Variants in USH2A observed in about 807,000 individuals in gnomAD.
USH2A encodes usherin.
USH2A carries 443 observed loss-of-function variants against 538.9 expected under a neutral mutation model. The observed-to-expected ratio is 0.82, with a 90% CI of 0.76 to 0.89. The LOEUF (loss-of-function observed/expected upper bound fraction) is 0.89, where lower values mean the gene tolerates loss of function less well. USH2A is among the 40% of genes least tolerant of loss of function. The pLI is 0.00. For synonymous variants in USH2A, 2,413 were observed against 2,273.5 expected (o/e 1.06, Z -1.75); for missense variants, 6,633 against 6,324.8 (o/e 1.05, Z -1.65).
chr1:216,304,655 T>C (rs546575597), intron 9 of USH2A, among the ~76,000 whole-genome samples: 5 of 152,202 alleles, frequency 3.3e-5, no homozygotes, highest in South Asian at 4.1e-4. Flanking sequence ...TTTAATGCTA[T>C]GAACTTTCCT....
chr1:215,648,807 A>G (rs1360091150), intron 65 of USH2A, 41 bp from the exon 66 acceptor site: 2 of 1,578,936 alleles, frequency 1.3e-6, no homozygotes, highest in Non-Finnish European at 1.7e-6. Context: ...AGTGTCAAAC[A>G]TTAAAGGTGT....
chr1:216,045,166 C>A (rs1348745089), intron 32 of USH2A, among the ~76,000 whole-genome samples: 1 of 152,034 alleles, frequency 6.6e-6, no homozygotes, highest in Non-Finnish European at 1.5e-5. Context: ...TTGTTATGAC[C>A]TTTATGAAGA....
intron 61 of USH2A, among the ~76,000 whole-genome samples, chr1:215,683,940 C>T (rs927005524): frequency 2.0e-5 from 3 of 150,062 alleles, no homozygotes; most frequent in East Asian, 2.0e-4. Context: ...TCTATGTCCA[C>T]GTCCATATTG....
At chr1:215,901,782 A>C (rs1665508887) in intron 38 of USH2A, among the ~76,000 whole-genome samples, 1 of 152,168 alleles carries the variant, frequency 6.6e-6, no homozygotes, top group Non-Finnish European at 1.5e-5. Flanking sequence ...AACTGGTATA[A>C]CTCAAATGAG....
intron 21 of USH2A, among the ~76,000 whole-genome samples, chr1:216,120,763 A>C (rs2033120773): frequency 6.6e-6 from 1 of 151,570 alleles, no homozygotes; most frequent in African/African-American, 2.4e-5. Context: ...GAGCAGGAGA[A>C]TCGCTTGAAC....
intron 3 of USH2A, among the ~76,000 whole-genome samples, chr1:216,376,728 C>G (rs1309667231): frequency 6.6e-6 from 1 of 152,122 alleles, no homozygotes; most frequent in East Asian, 1.9e-4. Flanking sequence ...TCACTGCTGA[C>G]CCCAAGTCAG....
intron 61 of USH2A, among the ~76,000 whole-genome samples, chr1:215,694,767 G>A (rs569437018): frequency 3.0e-4 from 46 of 152,288 alleles, no homozygotes; most frequent in African/African-American, 1.1e-3. Flanking sequence ...TTGAGGGTTA[G>A]GATTTCATTG....
intron 20 of USH2A, among the ~76,000 whole-genome samples, chr1:216,184,537 T>C (rs974056599): frequency 1.3e-5 from 2 of 151,930 alleles, no homozygotes; most frequent in African/African-American, 4.8e-5. Context: ...TAATGAGGGA[T>C]TATTGAAGAC....
intron 4 of USH2A, among the ~76,000 whole-genome samples, chr1:216,345,922 G>A (rs1422220106): frequency 6.6e-6 from 1 of 152,084 alleles, no homozygotes; most frequent in East Asian, 1.9e-4. Flanking sequence ...CTCAAAATCT[G>A]CTGCTCTAGA....
chr1:215,686,412 TAGA>T (rs1455496876), intron 61 of USH2A, among the ~76,000 whole-genome samples: 1 of 151,892 alleles, frequency 6.6e-6, no homozygotes. Context: ...GATGAAGGAT[TAGA>T]AGAAGGAACA....
At chr1:215,780,302 G>A (rs1460764265) in intron 54 of USH2A, among the ~76,000 whole-genome samples, 1 of 152,040 alleles carries the variant, frequency 6.6e-6, no homozygotes, top group African/African-American at 2.4e-5. Flanking sequence ...GCAGAGTGCA[G>A]CCCTCAGTGT....
chr1:216,247,149 A>T lies in USH2A; in HGVS notation c.2245T>A (p.Cys749Ser). ...FNDVGCEPCQ[C>S]NLHGSVNKFC... ...TTGTTCACTGAGCCATGGAGGTTAC[A>T]CTGGCAGGGCTCACATCCAACATCA... Residue 749 changes from cysteine to serine, a missense_variant, in exon 13 of 72, where the codon TGT (cysteine) becomes AGT (serine). Physicochemically the swap from Cys to Ser is moderately radical, Grantham distance 112. Transcript: ENST00000307340. The T allele has an allele frequency of 6.2e-7, 1 of 1,614,100 alleles. No homozygotes were observed. The highest frequency in any genetic ancestry group is 8.5e-7 in the Non-Finnish European group (1 of 1,179,950).
At chr1:216,277,302 A>G (rs536540501) in intron 11 of USH2A, among the ~76,000 whole-genome samples, 8 of 152,184 alleles carry the variant, frequency 5.3e-5, no homozygotes, top group African/African-American at 1.9e-4. Flanking sequence ...TCTCTCTCAC[A>G]TGTGCTCATG....
At chr1:216,405,304 C>T (rs1380036162) in intron 3 of USH2A, among the ~76,000 whole-genome samples, 1 of 152,120 alleles carries the variant, frequency 6.6e-6, no homozygotes. Flanking sequence ...CCTAATCAAT[C>T]TCAGCAAAAC....
chr1:216,307,910 G>A (rs2037347611), intron 9 of USH2A, among the ~76,000 whole-genome samples: 1 of 152,090 alleles, frequency 6.6e-6, no homozygotes. Flanking sequence ...TCACACTTTG[G>A]GCACTTACAG....
intron 37 of USH2A, among the ~76,000 whole-genome samples, chr1:215,954,039 G>C (rs1666998305): frequency 6.6e-6 from 1 of 152,172 alleles, no homozygotes; most frequent in South Asian, 2.1e-4. Context: ...AGTTAGGATG[G>C]CAATCATTAA....
chr1:216,134,885 T>C (rs554064830), intron 21 of USH2A, among the ~76,000 whole-genome samples: 49 of 152,174 alleles, frequency 3.2e-4, no homozygotes, highest in African/African-American at 1.1e-3. Context: ...AAGTGAGCTT[T>C]AGGGTGAGGA....
chr1:216,363,129 A>G (rs1323014614), intron 4 of USH2A, among the ~76,000 whole-genome samples: 1 of 152,084 alleles, frequency 6.6e-6, no homozygotes, highest in East Asian at 1.9e-4. Context: ...CTAATACTGT[A>G]CAGTCCTACT....
At chr1:216,038,717 T>C (rs75250077) in intron 32 of USH2A, among the ~76,000 whole-genome samples, 2,679 of 152,106 alleles carry the variant, frequency 0.018, 76 homozygotes, top group African/African-American at 0.061. Context: ...GTGTCCACTT[T>C]TCTGTATTAA....
Sources: allele counts gnomAD v4.1 joint callset (sites outside exome capture counted in the v4.1 genomes callset), GRCh38; gene constraint gnomAD v4.1.1; transcripts MANE v1.5; gene names NCBI Gene and HGNC (gene_info 2026-07-23, HGNC 2026-07-21).